Variants in ZNF492 observed in about 807,000 individuals in gnomAD.
The protein encoded by ZNF492 is zinc finger protein 115 (Y20).
A neutral mutation model predicts 6.4 loss-of-function variants in ZNF492; 3 were observed. The ratio of observed to expected loss-of-function variants is 0.47; its 90% confidence interval spans 0.21 to 1.22. ZNF492 has a LOEUF of 1.22. Among genes scored for constraint, ZNF492 ranks in the 50% most tolerant of loss-of-function variants. The pLI is 0.22. For synonymous variants in ZNF492, 112 were observed against 205.3 expected, an observed-to-expected ratio of 0.55 and a Z score of 3.89; for missense variants, 356 against 612.5, an observed-to-expected ratio of 0.58 and a Z score of 4.42.
intron 3 of ZNF492, 26 bp downstream of exon 3, chr19:22,654,041 A>G (rs746020424): frequency 3.0e-5 from 47 of 1,542,948 alleles, no homozygotes; most frequent in Non-Finnish European, 4.1e-5. Flanking sequence ...AGTGAATACA[A>G]CAGATGACAC....
At chr19:22,659,204 G>A (rs1343213818) in intron 3 of ZNF492, among the ~76,000 whole-genome samples, 22 of 149,692 alleles carry the variant, frequency 1.5e-4, no homozygotes, top group African/African-American at 5.0e-4. Flanking sequence ...TTTTTTTCTC[G>A]TTGTATACTC....
chr19:22,639,450 C>T (rs1258738221), intron 1 of ZNF492, among the ~76,000 whole-genome samples: 1 of 151,942 alleles, frequency 6.6e-6, no homozygotes, highest in Non-Finnish European at 1.5e-5. Context: ...GTGGCTCACA[C>T]CTGTAATCCC....
intron 1 of ZNF492, among the ~76,000 whole-genome samples, chr19:22,647,257 G>GTTTTTTTTTT (rs777750378): frequency 7.1e-6 from 1 of 140,274 alleles, no homozygotes; most frequent in Admixed American, 7.1e-5. Flanking sequence ...TTTGTTTGTT[G>GTTTTTTTTTT]TTGTTTTTTT....
rs933865367 is a variant in ZNF492 at position 22,663,797 on chromosome 19, C to T, written c.131-3C>T. The T allele has an allele frequency of 1.0e-5, 15 of 1,489,364 alleles. No homozygotes were observed. In the African/African-American group the frequency reaches 2.0e-4, roughly 20 times the overall value. 92.3% of individuals were successfully genotyped at this position (1,489,364 alleles called of 1,614,324 possible). A position where few individuals can be genotyped will look rare whatever the true frequency, so the allele number is the denominator to read the frequency against. On this transcript the variant is annotated splice_polypyrimidine_tract_variant and splice_region_variant and intron_variant, in intron 3 of 3. Transcript: ENST00000456783. ...AGTAATTTATTATTTTTATTTCTTT[C>T]AGTTGTATGTTCTTATTTTGCCCGA...
chr19:22,662,324 A>G (rs142190234), intron 3 of ZNF492, among the ~76,000 whole-genome samples: 410 of 152,320 alleles, frequency 2.7e-3, no homozygotes, highest in African/African-American at 8.2e-3. Flanking sequence ...TTCTTAATCC[A>G]TTCTATCATT....
At chr19:22,659,525 A>C (rs1972032642) in intron 3 of ZNF492, among the ~76,000 whole-genome samples, 1 of 149,240 alleles carries the variant, frequency 6.7e-6, no homozygotes. Flanking sequence ...TATTCTGTCA[A>C]TGTTTGCTTT....
At chr19:22,642,207 G>A (rs1971834638) in intron 1 of ZNF492, among the ~76,000 whole-genome samples, 1 of 152,030 alleles carries the variant, frequency 6.6e-6, no homozygotes, top group South Asian at 2.1e-4. Context: ...CAGTGACCTG[G>A]TTGTTTTAGG....
chr19:22,634,422 G>T lies in ZNF492; in HGVS notation c.-146G>T. ...TCCTCTGTGGCCCTGTGACCTGCAG[G>T]TATTGGGAGATCCACAGCTAAGACG... On this transcript the variant is annotated 5_prime_UTR_variant, in exon 1 of 4. Coordinates refer to ENST00000456783, the MANE Select transcript of ZNF492 (RefSeq NM_020855.3). The T allele has an allele frequency of 1.5e-6, 2 of 1,377,948 alleles. No individual in the cohort carries two copies. The highest frequency in any genetic ancestry group is 1.7e-5 in the Admixed American group (1 of 58,170). The allele number at this position is 1,377,948 out of a possible 1,614,324, so 85.4% of individuals were successfully genotyped here.
At chr19:22,659,457 G>A (rs1395374454) in intron 3 of ZNF492, among the ~76,000 whole-genome samples, 8 of 151,172 alleles carry the variant, frequency 5.3e-5, no homozygotes, top group African/African-American at 1.5e-4. Flanking sequence ...TTTTTATTAC[G>A]GAAAATGCAG....
chr19:22,647,602 C>A (rs982296523), intron 1 of ZNF492, among the ~76,000 whole-genome samples: 1 of 129,888 alleles, frequency 7.7e-6, no homozygotes, highest in African/African-American at 3.3e-5. Context: ...CTCCTGGATT[C>A]ATTGATTTTT....
At chr19:22,659,469 G>A (rs1426137397) in intron 3 of ZNF492, among the ~76,000 whole-genome samples, 4 of 151,488 alleles carry the variant, frequency 2.6e-5, no homozygotes, top group Non-Finnish European at 4.4e-5. Context: ...AAAATGCAGT[G>A]TCAAAATATC....
At chr19:22,645,487 GAT>G (rs1183668053) in intron 1 of ZNF492, among the ~76,000 whole-genome samples, 1 of 152,174 alleles carries the variant, frequency 6.6e-6, no homozygotes, top group Non-Finnish European at 1.5e-5. Context: ...TCACTCTGCT[GAT>G]AGTTTCCTTT....
At chr19:22,656,821 A>G (rs931147021) in intron 3 of ZNF492, among the ~76,000 whole-genome samples, 8 of 152,068 alleles carry the variant, frequency 5.3e-5, no homozygotes, top group South Asian at 2.1e-4. Flanking sequence ...GCAGAGTTTC[A>G]CAGCTCCCTC....
intron 1 of ZNF492, among the ~76,000 whole-genome samples, chr19:22,640,788 G>A (rs1375927695): frequency 1.6e-4 from 24 of 152,026 alleles, no homozygotes; most frequent in Admixed American, 1.6e-3. Context: ...TACTAATTCA[G>A]TTTTCAAGCT....
intron 1 of ZNF492, among the ~76,000 whole-genome samples, chr19:22,636,514 C>CTG (rs141601969): frequency 0.034 from 5,068 of 147,262 alleles, 156 homozygotes; most frequent in East Asian, 0.16. Context: ...ACATGATCTT[C>CTG]TGTGTGTGTG....
At chr19:22,656,593 A>G (rs1296789870) in intron 3 of ZNF492, among the ~76,000 whole-genome samples, 1 of 152,040 alleles carries the variant, frequency 6.6e-6, no homozygotes, top group Non-Finnish European at 1.5e-5. Context: ...GCATGGCTAT[A>G]AAGGGGTGTC....
At chr19:22,652,990 C>T (rs1039125451) in intron 1 of ZNF492, among the ~76,000 whole-genome samples, 6 of 151,884 alleles carry the variant, frequency 4.0e-5, no homozygotes, top group Non-Finnish European at 8.8e-5. Context: ...GAAAAATTTA[C>T]ACAACTTATT....
Position 22,666,868 on chromosome 19 carries a change from C to T in ZNF492, c.*1603C>T, listed in dbSNP as rs1972135253. 1 of 152,142 alleles carries T rather than the reference C, an allele frequency of 6.6e-6. No individual in the cohort carries two copies. The highest frequency in any genetic ancestry group is 1.5e-5 in the Non-Finnish European group (1 of 68,034). The allele number at this position is 152,142 out of a possible 1,614,324, so 9.4% of individuals were successfully genotyped here. A position where few individuals can be genotyped will look rare whatever the true frequency, so the allele number is the denominator to read the frequency against. Reference sequence around the variant, plus strand: ...CATTTTTAACAGTTTAAATATTGTGCATTCAATCAAGTCACATTATTCCAC... The same window carrying T: ...CATTTTTAACAGTTTAAATATTGTGTATTCAATCAAGTCACATTATTCCAC... On this transcript the variant is annotated 3_prime_UTR_variant, in exon 4 of 4. Coordinates refer to ENST00000456783, the MANE Select transcript of ZNF492 (RefSeq NM_020855.3).
chr19:22,652,259 C>T lies in ZNF492; in HGVS notation c.-93-1048C>T, dbSNP rs1401519237. ...TTTTTGAGACGGAGTCTCGCTCTGT[C>T]GCCCAGGCCGGACTGCGGACTGCAG... is the stretch of plus-strand genomic sequence containing the variant. On this transcript the variant is annotated intron_variant, in intron 1 of 3. Coordinates refer to ENST00000456783, the MANE Select transcript of ZNF492 (RefSeq NM_020855.3). 3.7e-5 allele frequency among the ~76,000 whole-genome samples: 4 copies of T among 107,720 alleles called. No homozygotes were observed. In the Admixed American group the frequency reaches 3.9e-4, roughly 10 times the overall value. The allele number at this position is 107,720 out of a possible 152,430, so 70.7% of individuals were successfully genotyped here.
Sources: gnomAD v4.1 joint callset for allele counts (sites outside exome capture counted in the v4.1 genomes callset) on GRCh38, gnomAD v4.1.1 for gene constraint, MANE v1.5 for transcripts, NCBI Gene and HGNC (gene_info 2026-07-23, HGNC 2026-07-21) for gene names.